The following PTPRT variants were observed in gnomAD, a reference collection of about 807,000 sequenced individuals.
PTPRT encodes the protein protein tyrosine phosphatase receptor type T, also known as receptor-type tyrosine-protein phosphatase T.
In PTPRT, 56 loss-of-function variants were observed where a neutral mutation model predicts 176.8. That is an observed-to-expected ratio of 0.32 (90% CI 0.26 to 0.40). The LOEUF (loss-of-function observed/expected upper bound fraction) is 0.40, where lower values mean the gene tolerates loss of function less well. Among genes scored for constraint, PTPRT ranks in the 10% least tolerant of loss-of-function variants. The pLI, the probability that PTPRT is intolerant of heterozygous loss-of-function variation, is 1.00. For missense variants in PTPRT, 1,540 were observed against 1,908.2 expected, an observed-to-expected ratio of 0.81 and a Z score of 3.60; for synonymous variants, 783 against 739.0, an observed-to-expected ratio of 1.06 and a Z score of -0.96.
At chr20:42,631,683 T>C (rs537423572) in intron 7 of PTPRT, among the ~76,000 whole-genome samples, 5 of 152,160 alleles carry the variant, frequency 3.3e-5, no homozygotes, top group Admixed American at 6.5e-5. Context: ...TCAGTGAACA[T>C]TGGCTGCCCC....
intron 6 of PTPRT, among the ~76,000 whole-genome samples, chr20:42,726,831 C>T (rs1457168385): frequency 1.3e-5 from 2 of 152,136 alleles, no homozygotes; most frequent in Non-Finnish European, 2.9e-5. Flanking sequence ...ACTTTGGAGA[C>T]TGATGAGCTG....
At chr20:42,225,916 G>A (rs1442286665) in intron 15 of PTPRT, among the ~76,000 whole-genome samples, 1 of 152,208 alleles carries the variant, frequency 6.6e-6, no homozygotes, top group East Asian at 1.9e-4. Context: ...GCCTGCCAAA[G>A]TGCTGGGATT....
chr20:42,885,757 G>GT (rs771734203), intron 2 of PTPRT, 50 bp downstream of exon 2: 1 of 1,570,606 alleles, frequency 6.4e-7, no homozygotes, highest in Non-Finnish European at 8.7e-7. Context: ...ATGATTCACG[G>GT]TAAAAACTAG....
chr20:42,268,345 T>C (rs1366520231), intron 13 of PTPRT, among the ~76,000 whole-genome samples: 1 of 152,272 alleles, frequency 6.6e-6, no homozygotes, highest in East Asian at 1.9e-4. Flanking sequence ...GCACCTGATA[T>C]GGGACTGGCT....
At chr20:42,831,272 T>A (rs2078081725) in intron 2 of PTPRT, among the ~76,000 whole-genome samples, 1 of 152,084 alleles carries the variant, frequency 6.6e-6, no homozygotes, top group African/African-American at 2.4e-5. Context: ...AAACAAGCAA[T>A]GGGGAAAGGA....
intron 9 of PTPRT, among the ~76,000 whole-genome samples, chr20:42,403,264 T>C (rs1040802932): frequency 6.6e-6 from 1 of 152,222 alleles, no homozygotes; most frequent in Non-Finnish European, 1.5e-5. Flanking sequence ...TAATATTCCA[T>C]GGTATGCAAA....
chr20:42,115,402 T>C, intron 21 of PTPRT, 87 bp from the exon 22 acceptor site: 1 of 1,020,872 alleles, frequency 9.8e-7, no homozygotes, highest in Non-Finnish European at 1.5e-6. Flanking sequence ...CTGTCTCATC[T>C]GGTCGTCCCA....
chr20:42,290,263 T>G (rs2057296981), intron 12 of PTPRT, among the ~76,000 whole-genome samples: 1 of 152,128 alleles, frequency 6.6e-6, no homozygotes, highest in Admixed American at 6.6e-5. Context: ...CAATATAATT[T>G]CATTTCCTTA....
chr20:42,327,929 C>A (rs146047494), intron 11 of PTPRT, among the ~76,000 whole-genome samples: 29 of 151,792 alleles, frequency 1.9e-4, no homozygotes, highest in African/African-American at 6.5e-4. Flanking sequence ...TCAGGTACAG[C>A]GGATAAAAAT....
chr20:43,137,535 A>G (rs1426513569), intron 1 of PTPRT, among the ~76,000 whole-genome samples: 1 of 152,192 alleles, frequency 6.6e-6, no homozygotes, highest in African/African-American at 2.4e-5. Context: ...AGGAAGATGG[A>G]TGGGAAAGGG....
intron 1 of PTPRT, among the ~76,000 whole-genome samples, chr20:42,928,731 C>A (rs999859861): frequency 6.6e-6 from 1 of 152,144 alleles, no homozygotes; most frequent in African/African-American, 2.4e-5. Flanking sequence ...GGTATTGGAG[C>A]CTCCACCCAT....
chr20:42,988,818 T>C (rs149271243), intron 1 of PTPRT, among the ~76,000 whole-genome samples: 1 of 152,242 alleles, frequency 6.6e-6, no homozygotes, highest in Non-Finnish European at 1.5e-5. Flanking sequence ...AGGGCAACCA[T>C]TCGACGAGGT....
chr20:43,046,240 C>G (rs1275530649), intron 1 of PTPRT, among the ~76,000 whole-genome samples: 1 of 152,050 alleles, frequency 6.6e-6, no homozygotes. Context: ...GGGACCCAGA[C>G]TAATGCAGCT....
At chr20:42,437,478 C>T (rs745903952) in intron 9 of PTPRT, among the ~76,000 whole-genome samples, 3 of 152,232 alleles carry the variant, frequency 2.0e-5, no homozygotes, top group East Asian at 1.9e-4. Context: ...ACGTTAAAAA[C>T]GTGCATAAAA....
chr20:42,833,936 G>A (rs887718513), intron 2 of PTPRT, among the ~76,000 whole-genome samples: 2 of 152,080 alleles, frequency 1.3e-5, no homozygotes, highest in Admixed American at 6.5e-5. Flanking sequence ...AAATCTTTGT[G>A]GCCTTGGACT....
In PTPRT at chr20:42,134,423, C is replaced by G. The variant is rs117230326; in HGVS notation, c.2771-5593G>C. Among the ~76,000 whole-genome samples the G allele has an allele frequency of 3.6e-3, 550 of 152,254 alleles. 1 individual carries two copies. The highest frequency in any genetic ancestry group is 0.01 in the Middle Eastern group (3 of 292). On this transcript the variant is annotated intron_variant, in intron 18 of 30. Coordinates refer to ENST00000373187, the MANE Select transcript of PTPRT (RefSeq NM_007050.6). ...GAGGCGAGGGGAAGGTGCAGCCTGG[C>G]TCCCCCGGCTCTCAGTTGAGGTGAG...
At chr20:43,156,857 C>CT (rs2014536536) in intron 1 of PTPRT, among the ~76,000 whole-genome samples, 2 of 152,180 alleles carry the variant, frequency 1.3e-5, no homozygotes, top group South Asian at 4.1e-4. Flanking sequence ...AGTGAGAGCT[C>CT]TTTGTTGAAC....
intron 11 of PTPRT, among the ~76,000 whole-genome samples, chr20:42,347,541 C>T (rs543703941): frequency 2.0e-5 from 3 of 152,304 alleles, no homozygotes; most frequent in East Asian, 1.9e-4. Context: ...ACACCAGATG[C>T]ACCAGGCATG....
intron 1 of PTPRT, among the ~76,000 whole-genome samples, chr20:42,897,008 G>A (rs1568667801): frequency 6.6e-6 from 1 of 152,226 alleles, no homozygotes; most frequent in East Asian, 1.9e-4. Flanking sequence ...TTAAATAAGT[G>A]CACAAATATG....
Sources: gnomAD v4.1 joint callset for allele counts (sites outside exome capture counted in the v4.1 genomes callset) on GRCh38, gnomAD v4.1.1 for gene constraint, MANE v1.5 for transcripts, NCBI Gene and HGNC (gene_info 2026-07-23, HGNC 2026-07-21) for gene names.